The following SNTG2 variants were observed in gnomAD, a reference collection of about 807,000 sequenced individuals.
SNTG2 encodes the protein gamma-2-syntrophin.
SNTG2 carries 74 observed loss-of-function variants against 70.9 expected under a neutral mutation model. The observed-to-expected ratio is 1.04, with a 90% CI of 0.86 to 1.27. SNTG2 has a LOEUF of 1.27. Ranked by LOEUF, SNTG2 falls within the 50% of genes most tolerant of loss-of-function variation. The pLI is 0.00. For synonymous variants in SNTG2, 278 were observed against 273.8 expected (o/e 1.02, Z -0.15); for missense variants, 717 against 690.7 (o/e 1.04, Z -0.43).
Position 950,893 on chromosome 2 carries a change from C to G in SNTG2, c.-104C>G. 1 of 423,268 alleles carries G rather than the reference C, an allele frequency of 2.4e-6. No individual in the cohort carries two copies. The highest frequency in any genetic ancestry group is 3.6e-6 in the Non-Finnish European group (1 of 280,816). The allele number at this position is 423,268 out of a possible 1,614,324, so 26.2% of individuals were successfully genotyped here. On this transcript the variant is annotated 5_prime_UTR_variant, in exon 1 of 17. Coordinates refer to ENST00000308624, the MANE Select transcript of SNTG2 (RefSeq NM_018968.4). ...GCCCGAGCCGGAGCCGGCAGAGGGG[C>G]GCGGGCGCGGACGCGGCGCCTGGCG...
chr2:1,035,467 C>T (rs867123422), intron 1 of SNTG2, among the ~76,000 whole-genome samples: 11 of 152,290 alleles, frequency 7.2e-5, no homozygotes, highest in South Asian at 4.2e-4. Flanking sequence ...TACTTATTTC[C>T]CTCCATTTGT....
intron 16 of SNTG2, among the ~76,000 whole-genome samples, chr2:1,335,731 G>T (rs1659787267): frequency 6.6e-6 from 1 of 151,976 alleles, no homozygotes; most frequent in Non-Finnish European, 1.5e-5. Flanking sequence ...GGCACACTCA[G>T]GTTCTGTCCA....
chr2:1,083,306 C>A (rs1478687751), intron 1 of SNTG2, among the ~76,000 whole-genome samples: 1 of 150,110 alleles, frequency 6.7e-6, no homozygotes, highest in Non-Finnish European at 1.5e-5. Context: ...TTATATAAAT[C>A]CTACAAAAAC....
intron 1 of SNTG2, among the ~76,000 whole-genome samples, chr2:976,929 A>T (rs1660924100): frequency 6.6e-6 from 1 of 152,212 alleles, no homozygotes; most frequent in Admixed American, 6.5e-5. Flanking sequence ...AGTGGAGGCC[A>T]TGGGGAGCAC....
intron 1 of SNTG2, among the ~76,000 whole-genome samples, chr2:1,070,342 C>A (rs967993299): frequency 6.6e-6 from 1 of 152,114 alleles, no homozygotes; most frequent in African/African-American, 2.4e-5. Context: ...GATGCCATCA[C>A]GTCACCCAAG....
intron 4 of SNTG2, 109 bp downstream of exon 4, chr2:1,098,519 C>T (rs1665548545): frequency 8.6e-7 from 1 of 1,156,280 alleles, no homozygotes; most frequent in Admixed American, 1.9e-5. Context: ...ATTACCTAAA[C>T]TTCCGTTTTA....
intron 6 of SNTG2, among the ~76,000 whole-genome samples, chr2:1,142,002 G>A (rs1049385408): frequency 1.2e-4 from 19 of 152,026 alleles, no homozygotes; most frequent in Non-Finnish European, 2.5e-4. Flanking sequence ...TCTGCTTTAC[G>A]GAGGCTAACA....
chr2:1,050,392 G>A (rs1383129961), intron 1 of SNTG2, among the ~76,000 whole-genome samples: 2 of 152,044 alleles, frequency 1.3e-5, no homozygotes, highest in Admixed American at 6.5e-5. Context: ...AGGGTTCAAA[G>A]TTTGTTTCCT....
chr2:1,080,973 G>T (rs1156372851), intron 1 of SNTG2, among the ~76,000 whole-genome samples: 1 of 152,142 alleles, frequency 6.6e-6, no homozygotes, highest in African/African-American at 2.4e-5. Flanking sequence ...CCTGAGAGCT[G>T]TCAGTCATAG....
intron 16 of SNTG2, among the ~76,000 whole-genome samples, chr2:1,321,897 CTTT>C (rs1211221851): frequency 7.2e-5 from 11 of 151,782 alleles, no homozygotes; most frequent in Non-Finnish European, 2.9e-5. Context: ...TCCTTTCCTT[CTTT>C]CTTCCTTCCC....
intron 1 of SNTG2, among the ~76,000 whole-genome samples, chr2:1,070,596 A>G (rs919113613): frequency 2.6e-5 from 4 of 152,230 alleles, no homozygotes; most frequent in African/African-American, 9.6e-5. Flanking sequence ...TACATGCAGC[A>G]GATTAGAAAG....
At chr2:1,257,779 A>C (rs567564172) in intron 12 of SNTG2, among the ~76,000 whole-genome samples, 3 of 152,342 alleles carry the variant, frequency 2.0e-5, no homozygotes, top group African/African-American at 7.2e-5. Context: ...GTAACTCCAC[A>C]CGGAAATTCT....
At chr2:1,081,123 A>G (rs1664261212) in intron 1 of SNTG2, among the ~76,000 whole-genome samples, 1 of 152,146 alleles carries the variant, frequency 6.6e-6, no homozygotes, top group Admixed American at 6.5e-5. Context: ...CGTCCTGAGG[A>G]AGCCCCATCG....
chr2:1,099,461 T>C (rs59054786), intron 4 of SNTG2, among the ~76,000 whole-genome samples: 3,953 of 152,312 alleles, frequency 0.026, 185 homozygotes, highest in African/African-American at 0.089. Flanking sequence ...ACTTTTTCTC[T>C]AAACATTCTT....
chr2:998,904 G>A (rs1385231457), intron 1 of SNTG2, among the ~76,000 whole-genome samples: 2 of 152,064 alleles, frequency 1.3e-5, no homozygotes, highest in Non-Finnish European at 2.9e-5. Context: ...CTGATTACCT[G>A]TAAAGGAGAG....
intron 16 of SNTG2, among the ~76,000 whole-genome samples, chr2:1,329,138 C>A (rs1572989904): frequency 6.6e-6 from 1 of 152,034 alleles, no homozygotes; most frequent in East Asian, 1.9e-4. Flanking sequence ...AGAAGTGGGA[C>A]ATATTTGTTT....
At chr2:1,189,077 T>A (rs1362774525) in intron 8 of SNTG2, among the ~76,000 whole-genome samples, 2 of 152,020 alleles carry the variant, frequency 1.3e-5, no homozygotes, top group Non-Finnish European at 2.9e-5. Flanking sequence ...AAATACACTA[T>A]GTAATGTGGA....
chr2:1,335,365 G>A (rs896862716), intron 16 of SNTG2, among the ~76,000 whole-genome samples: 15 of 152,276 alleles, frequency 9.9e-5, no homozygotes, highest in South Asian at 4.2e-4. Context: ...GGCCTGAGCC[G>A]TCAGCAGCCA....
In SNTG2 at chr2:1,087,439, C is replaced by T. The variant is rs116665467; in HGVS notation, c.210+3784C>T. ...CCCTGACCTAACCTCTTACTGTTCC[C>T]GGGTAAATGCAGGTTAGGCCACTGG... On this transcript the variant is annotated intron_variant, in intron 2 of 16. Coordinates refer to ENST00000308624, the MANE Select transcript of SNTG2 (RefSeq NM_018968.4). Among the ~76,000 whole-genome samples the T allele has an allele frequency of 4.5e-3, 691 of 152,190 alleles. 7 individuals are homozygous for T. The highest frequency in any genetic ancestry group is 0.016 in the African/African-American group (650 of 41,532).
Sources: gnomAD v4.1 joint callset for allele counts (sites outside exome capture counted in the v4.1 genomes callset) on GRCh38, gnomAD v4.1.1 for gene constraint, MANE v1.5 for transcripts, NCBI Gene and HGNC (gene_info 2026-07-23, HGNC 2026-07-21) for gene names.